Variants in AHR observed in about 807,000 individuals in gnomAD.
The protein encoded by AHR is AH-receptor.
AHR carries 40 observed loss-of-function variants against 86.8 expected under a neutral mutation model. That is an observed-to-expected ratio of 0.46 (90% CI 0.36 to 0.60). AHR has a LOEUF of 0.60. AHR is among the 20% of genes least tolerant of loss of function. The pLI is 0.00. For synonymous variants in AHR, 398 were observed against 354.9 expected (o/e 1.12, Z -1.37); for missense variants, 1,001 against 1,011.6 (o/e 0.99, Z 0.14).
intron 1 of AHR, among the ~76,000 whole-genome samples, chr7:17,304,745 T>A (rs556394424): frequency 6.6e-6 from 1 of 152,244 alleles, no homozygotes; most frequent in African/African-American, 2.4e-5. Flanking sequence ...GATAGGACTA[T>A]TATTTGTCTT....
At position 17,339,359 on chromosome 7, in the gene AHR, G is replaced by T; in HGVS notation, c.1534G>T (p.Glu512Ter). 1 of 1,614,168 alleles carries T rather than the reference G, an allele frequency of 6.2e-7. No homozygotes were observed. The highest frequency in any genetic ancestry group is 1.1e-5 in the South Asian group (1 of 91,056). The stretch of plus-strand genomic sequence containing the variant: ...GGGAAATGATACTATCCTGAAACAT[G>T]AGCAAATTGACCAGCCTCAGGATGT... ...PMGNDTILKHEQIDQPQDVNS... is the reference protein window; with the variant it reads ...PMGNDTILKH The change falls in exon 10 of 11, where the codon GAG becomes TAG. Residue 512 changes from glutamate to a stop codon, truncating the protein, a stop_gained. Coordinates refer to ENST00000242057, the MANE Select transcript of AHR (RefSeq NM_001621.5). LOFTEE classifies it high-confidence loss of function.
Position 17,340,066 on chromosome 7 carries a change from C to A in AHR, c.2241C>A (p.Asn747Lys). ...TCACTTGTTTACAACTTCCTGAAAA[C>A]CAAAAGCATGGATTAAATCCACAGT... ...DFVTCLQLPE[N>K]QKHGLNPQSA... Residue 747 changes from asparagine to lysine, a missense_variant, in exon 10 of 11, where the codon AAC becomes AAA. Around this residue, in one of 2 missense-constraint regions of AHR, gnomAD observed 607 missense variants for 543.1 expected, o/e 1.12. Coordinates refer to ENST00000242057, the MANE Select transcript of AHR (RefSeq NM_001621.5). 1.2e-6 allele frequency: 2 copies of A among 1,614,146 alleles called. No homozygotes were observed. The highest frequency in any genetic ancestry group is 2.7e-5 in the African/African-American group (2 of 75,026).
At chr7:17,329,923 G>C in intron 4 of AHR, 29 bp from the exon 5 acceptor site, 1 of 1,585,188 alleles carries the variant, frequency 6.3e-7, no homozygotes. Flanking sequence ...CAGTCCTTTT[G>C]TTGTATTCCT....
Position 17,309,975 on chromosome 7 carries a change from T to C in AHR, c.105T>C (p.Pro35=). 1.2e-6 allele frequency: 2 copies of C among 1,606,150 alleles called. No individual in the cohort carries two copies. The highest frequency in any genetic ancestry group is 1.7e-6 in the Non-Finnish European group (2 of 1,174,370). The change falls in exon 2 of 11, where the codon CCT becomes CCC. Residue 35 remains proline, a synonymous_variant. Transcript: ENST00000242057. ...PIPAEGIKSN[P]SKRHRDRLNT... The stretch of plus-strand genomic sequence containing the variant: ...CAGCTGAAGGAATCAAGTCAAATCC[T>C]TCCAAGCGGCATAGAGACCGACTTA...
chr7:17,301,186 C>T (rs1373812438), intron 1 of AHR, among the ~76,000 whole-genome samples: 1 of 151,956 alleles, frequency 6.6e-6, no homozygotes, highest in East Asian at 1.9e-4. Context: ...CATACAGATG[C>T]CTTAAATATT....
intron 2 of AHR, among the ~76,000 whole-genome samples, chr7:17,321,533 GTTA>G (rs1252692854): frequency 7.9e-5 from 12 of 151,038 alleles, no homozygotes; most frequent in African/African-American, 2.7e-4. Context: ...AGTGGTAGCT[GTTA>G]TTATTTCTAT....
intron 2 of AHR, among the ~76,000 whole-genome samples, chr7:17,313,983 T>A (rs1782091759): frequency 6.6e-6 from 1 of 152,148 alleles, no homozygotes; most frequent in African/African-American, 2.4e-5. Flanking sequence ...TCATTCCTAA[T>A]TTCAGCATAT....
chr7:17,334,095 C>T lies in AHR; in HGVS notation c.889C>T (p.Pro297Ser). ...AACCAAACACAAACTAGACTTCACACCTATTGGTTGTGATGCCAAGTAAGT... is the reference window on the plus strand; with the variant it reads ...AACCAAACACAAACTAGACTTCACATCTATTGGTTGTGATGCCAAGTAAGT... Reference protein sequence around the residue: ...FRTKHKLDFTPIGCDAKGRIV... With the variant: ...FRTKHKLDFTSIGCDAKGRIV... Residue 297 changes from proline (P) to serine (S), a missense_variant, in exon 7 of 11, where the codon CCT (proline) becomes TCT (serine). Physicochemically the swap from Pro to Ser is moderately conservative, Grantham distance 74. Coordinates refer to ENST00000242057, the MANE Select transcript of AHR (RefSeq NM_001621.5). 1 of 1,612,942 alleles carries T rather than the reference C, an allele frequency of 6.2e-7. No homozygotes were observed. The highest frequency in any genetic ancestry group is 8.5e-7 in the Non-Finnish European group (1 of 1,179,120).
chr7:17,338,876 C>G, intron 9 of AHR, 110 bp from the exon 10 acceptor site: 2 of 1,098,060 alleles, frequency 1.8e-6, no homozygotes, highest in South Asian at 2.1e-5. Context: ...ATGTCCCTTT[C>G]TGAATTCAAT....
At position 17,299,024 on chromosome 7, in the gene AHR, C is replaced by T. The variant is rs1037333515; in HGVS notation, c.-241C>T. 6.3e-6 allele frequency: 3 copies of T among 477,914 alleles called. No homozygotes were observed. Among genetic ancestry groups the T allele is most frequent in the South Asian group, 8.5e-5 (2 of 23,566 alleles). The allele number at this position is 477,914 out of a possible 1,614,324, so 29.6% of individuals were successfully genotyped here. A position where few individuals can be genotyped will look rare whatever the true frequency, so the allele number is the denominator to read the frequency against. On this transcript the variant is annotated 5_prime_UTR_variant, in exon 1 of 11. Coordinates refer to ENST00000242057, the MANE Select transcript of AHR (RefSeq NM_001621.5). ...GCCTTGCTCGCGGGTCTCCGCCCCT[C>T]GCCCACCCTCACTGCGCCAGGCCCA...
intron 10 of AHR, among the ~76,000 whole-genome samples, chr7:17,340,591 A>G (rs1782410758): frequency 6.6e-6 from 1 of 152,208 alleles, no homozygotes. Context: ...TTATATGGCT[A>G]TTTAAAAATT....
At chr7:17,342,772 G>T in intron 10 of AHR, 149 bp from the exon 11 acceptor site, 1 of 707,126 alleles carries the variant, frequency 1.4e-6, no homozygotes, top group Non-Finnish European at 2.3e-6. Context: ...TTCACTGTGT[G>T]AAAGATTTAA....
At chr7:17,333,489 T>A (rs901280784) in intron 6 of AHR, among the ~76,000 whole-genome samples, 2 of 152,032 alleles carry the variant, frequency 1.3e-5, no homozygotes, top group South Asian at 4.1e-4. Context: ...TAGAAAAGAT[T>A]ATGAACTATG....
In AHR at chr7:17,345,594, C is replaced by G. The variant is rs1584046401; in HGVS notation, c.*2530C>G. Reference sequence around the variant, plus strand: ...TCTTACATAAACCATTTTTGTTACTCTCTTCCACATGTTACTGGATAAATT... The same window carrying G: ...TCTTACATAAACCATTTTTGTTACTGTCTTCCACATGTTACTGGATAAATT... On this transcript the variant is annotated 3_prime_UTR_variant, in exon 11 of 11. Coordinates refer to ENST00000242057, the MANE Select transcript of AHR (RefSeq NM_001621.5). 6.6e-6 allele frequency: 1 copy of G among 152,612 alleles called. No individual in the cohort carries two copies. Among genetic ancestry groups the G allele is most frequent in the African/African-American group, 2.4e-5 (1 of 41,438 alleles). The allele number at this position is 152,612 out of a possible 1,614,324, so 9.5% of individuals were successfully genotyped here. A position where few individuals can be genotyped will look rare whatever the true frequency, so the allele number is the denominator to read the frequency against.
intron 3 of AHR, among the ~76,000 whole-genome samples, chr7:17,322,855 A>AT (rs1362838515): frequency 6.6e-6 from 1 of 151,988 alleles, no homozygotes; most frequent in Non-Finnish European, 1.5e-5. Context: ...ATTATACCAT[A>AT]TTTTTTACTG....
At chr7:17,341,320 A>G (rs1454466183) in intron 10 of AHR, among the ~76,000 whole-genome samples, 1 of 152,180 alleles carries the variant, frequency 6.6e-6, no homozygotes, top group Non-Finnish European at 1.5e-5. Context: ...ATTAAAATTG[A>G]ATAATATTCA....
In AHR at chr7:17,339,193, C is replaced by T. The variant is rs777793375; in HGVS notation, c.1368C>T (p.Leu456=). Residue 456 remains leucine, a synonymous_variant, in exon 10 of 11, where the codon CTC becomes CTT. Coordinates refer to ENST00000242057, the MANE Select transcript of AHR (RefSeq NM_001621.5). The part of the protein sequence containing the change: ...LSKDSLNPSS[L]LAAMMQQDES... ...AGGACTCTCTCAATCCTAGTTCCCT[C>T]CTGGCTGCCATGATGCAACAAGATG... The T allele has an allele frequency of 6.2e-7, 1 of 1,614,172 alleles. No homozygotes were observed. Among genetic ancestry groups the T allele is most frequent in the Non-Finnish European group, 8.5e-7 (1 of 1,180,016 alleles).
intron 1 of AHR, among the ~76,000 whole-genome samples, chr7:17,301,488 G>A (rs890963261): frequency 5.9e-5 from 9 of 151,846 alleles, no homozygotes; most frequent in African/African-American, 2.2e-4. Flanking sequence ...TTAAATGAGA[G>A]CCATTTTATT....
chr7:17,342,962 A>C lies in AHR; in HGVS notation c.2445A>C (p.Leu815Phe). 6.2e-7 allele frequency: 1 copy of C among 1,613,306 alleles called. No individual in the cohort carries two copies. The highest frequency in any genetic ancestry group is 1.7e-5 in the Admixed American group (1 of 59,978). ...TAAATGAAACATATCCAGCTGAATT[A>C]AATAACATAAATAACACTCAGACTA... Reference protein sequence around the residue: ...GVLNETYPAELNNINNTQTTT... With the variant: ...GVLNETYPAEFNNINNTQTTT... Residue 815 changes from leucine to phenylalanine, a missense_variant, in exon 11 of 11, where the codon TTA becomes TTC. Physicochemically the swap from Leu to Phe is conservative, Grantham distance 22 (BLOSUM62 0). Transcript: ENST00000242057.
Sources: allele counts gnomAD v4.1 joint callset (sites outside exome capture counted in the v4.1 genomes callset), GRCh38; gene constraint gnomAD v4.1.1; regional missense constraint gnomAD v4.1.1; transcripts MANE v1.5; gene names NCBI Gene and HGNC (gene_info 2026-07-23, HGNC 2026-07-21).